CCDC69: variants seen among roughly 807,000 people sequenced by gnomAD.
The protein encoded by CCDC69 is coiled-coil domain containing 69.
In CCDC69, 38 loss-of-function variants were observed where a neutral mutation model predicts 40.3. The observed-to-expected ratio is 0.94, with a 90% confidence interval of 0.73 to 1.24. CCDC69 has a LOEUF of 1.24. CCDC69 is among the 50% of genes most tolerant of loss of function. The pLI, the probability that CCDC69 is intolerant of heterozygous loss-of-function variation, is 0.00. For missense variants in CCDC69, 389 were observed against 357.9 expected, an observed-to-expected ratio of 1.09 and a Z score of -0.70; for synonymous variants, 141 against 138.9, an observed-to-expected ratio of 1.02 and a Z score of -0.11.
Position 151,183,558 on chromosome 5 carries a change from AG to A in CCDC69, c.769del (p.Leu257CysfsTer151), listed in dbSNP as rs767856018. 1.4e-4 allele frequency: 228 copies of A among 1,612,018 alleles called. No individual in the cohort carries two copies. The highest frequency in any genetic ancestry group is 1.8e-4 in the Non-Finnish European group (209 of 1,179,488). On this transcript the variant is annotated frameshift_variant, in exon 9 of 9. Coordinates refer to ENST00000355417, the MANE Select transcript of CCDC69 (RefSeq NM_015621.3). LOFTEE classifies it high-confidence loss of function. ...TREALEKEVQ[L>X]RRQLQQEKEE... ...CTTCTCCTGCTGGAGCTGTCGCCGC[AG>A]CTGCACCTCCTTCTCCAGGGCCTCA...
chr5:151,216,564 G>A (rs555138860), intron 1 of CCDC69, among the ~76,000 whole-genome samples: 4 of 151,706 alleles, frequency 2.6e-5, no homozygotes, highest in East Asian at 3.9e-4. Context: ...TTACAGGCAC[G>A]TGCCACACGC....
intron 8 of CCDC69, 56 bp from the exon 9 acceptor site, chr5:151,183,670 C>G (rs1330234684): frequency 6.7e-7 from 1 of 1,487,422 alleles, no homozygotes; most frequent in South Asian, 1.3e-5. Context: ...CCACAGAGAC[C>G]AACCCATTCC....
At position 151,196,140 on chromosome 5, in the gene CCDC69, C is replaced by A. The variant is rs78700763; in HGVS notation, c.319+2857G>T. ...ACTTTTACGTACAAAATAATCACAA[C>A]CATGTGTTTTGTTGTTTTGTTTTGT... On this transcript the variant is annotated intron_variant, in intron 4 of 8. Transcript: ENST00000355417. Among the ~76,000 whole-genome samples, 1,255 of 152,150 alleles carry A rather than the reference C, an allele frequency of 8.2e-3. 16 individuals are homozygous for A. The highest frequency in any genetic ancestry group is 0.027 in the African/African-American group (1,130 of 41,526).
chr5:151,214,197 G>A (rs1752999024), intron 1 of CCDC69, among the ~76,000 whole-genome samples: 1 of 152,154 alleles, frequency 6.6e-6, no homozygotes, highest in African/African-American at 2.4e-5. Flanking sequence ...AAGTCTCAAG[G>A]GGCTCAGGTC....
At chr5:151,186,201 G>C in intron 5 of CCDC69, 77 bp from the exon 6 acceptor site, 1 of 1,000,690 alleles carries the variant, frequency 1.0e-6, no homozygotes, top group Non-Finnish European at 1.6e-6. Context: ...ACATCCCAGA[G>C]GGAGAACGGT....
At position 151,224,038 on chromosome 5, in the gene CCDC69, C is replaced by T; in HGVS notation, c.-68G>A. 3.6e-6 allele frequency: 5 copies of T among 1,375,256 alleles called. No individual in the cohort carries two copies. Among genetic ancestry groups the T allele is most frequent in the Non-Finnish European group, 4.9e-6 (5 of 1,024,704 alleles). 85.2% of individuals were successfully genotyped at this position (1,375,256 alleles called of 1,614,324 possible). Reference sequence around the variant, plus strand: ...CCCCCAGAGGAGCCTGCGATCCGGGCCCCGCTGCCCGCTCCGCGCCCGCCG... The same window carrying T: ...CCCCCAGAGGAGCCTGCGATCCGGGTCCCGCTGCCCGCTCCGCGCCCGCCG... On this transcript the variant is annotated 5_prime_UTR_variant, in exon 1 of 9. Coordinates refer to ENST00000355417, the MANE Select transcript of CCDC69 (RefSeq NM_015621.3).
chr5:151,213,492 T>C (rs149201886), intron 1 of CCDC69, among the ~76,000 whole-genome samples: 2,036 of 152,020 alleles, frequency 0.013, 36 homozygotes, highest in African/African-American at 0.047. Context: ...GACCTAGTGA[T>C]CCACCCGCCT....
At chr5:151,216,113 C>T (rs1753034695) in intron 1 of CCDC69, among the ~76,000 whole-genome samples, 1 of 152,042 alleles carries the variant, frequency 6.6e-6, no homozygotes, top group African/African-American at 2.4e-5. Flanking sequence ...CATGTGCCAC[C>T]ATGCCCAGCT....
At chr5:151,188,865 G>A (rs1752564801) in intron 4 of CCDC69, among the ~76,000 whole-genome samples, 1 of 152,166 alleles carries the variant, frequency 6.6e-6, no homozygotes, top group Admixed American at 6.5e-5. Flanking sequence ...TGGACAGAAT[G>A]AATTCTGCAG....
At chr5:151,196,437 G>C (rs1752701039) in intron 4 of CCDC69, among the ~76,000 whole-genome samples, 1 of 152,160 alleles carries the variant, frequency 6.6e-6, no homozygotes, top group African/African-American at 2.4e-5. Flanking sequence ...TATTACAGGT[G>C]TGAGCCACTG....
At chr5:151,184,318 A>G (rs1243556333) in intron 8 of CCDC69, 26 bp downstream of exon 8, 1 of 1,564,530 alleles carries the variant, frequency 6.4e-7, no homozygotes, top group African/African-American at 1.4e-5. Flanking sequence ...TGGGGATGGG[A>G]GTAAAGGAGG....
At chr5:151,205,682 CCT>C (rs1208134053) in intron 1 of CCDC69, among the ~76,000 whole-genome samples, 1 of 152,182 alleles carries the variant, frequency 6.6e-6, no homozygotes, top group Non-Finnish European at 1.5e-5. Context: ...ACTTCTCATC[CCT>C]GTCAGGGAAA....
chr5:151,224,041 C>T lies in CCDC69; in HGVS notation c.-71G>A, dbSNP rs911331693. ...CCAGAGGAGCCTGCGATCCGGGCCC[C>T]GCTGCCCGCTCCGCGCCCGCCGGCT... On this transcript the variant is annotated 5_prime_UTR_variant, in exon 1 of 9. Transcript: ENST00000355417. 8 of 1,365,912 alleles carry T rather than the reference C, an allele frequency of 5.9e-6. No homozygotes were observed. Among genetic ancestry groups the T allele is most frequent in the Middle Eastern group, 2.4e-4 (1 of 4,238 alleles). The allele number at this position is 1,365,912 out of a possible 1,614,324, so 84.6% of individuals were successfully genotyped here.
chr5:151,223,839 C>T lies in CCDC69; in HGVS notation c.48+84G>A. 5 of 1,387,920 alleles carry T rather than the reference C, an allele frequency of 3.6e-6. No homozygotes were observed. The African/African-American group carries it at 4.5e-5, about 12-fold the overall frequency. The allele number at this position is 1,387,920 out of a possible 1,614,324, so 86.0% of individuals were successfully genotyped here. On this transcript the variant is annotated intron_variant, in intron 1 of 8. Coordinates refer to ENST00000355417, the MANE Select transcript of CCDC69 (RefSeq NM_015621.3). The stretch of plus-strand genomic sequence containing the variant: ...GGTATCCCGGGCCGACCAGAGAGAG[C>T]CCGGGGCGCCGAGTCCTCTGCGGCG...
rs776505579 is a variant in CCDC69, at chr5:151,194,169, TAC to T, written c.319+4826_319+4827del. On this transcript the variant is annotated intron_variant, in intron 4 of 8. Transcript: ENST00000355417. The stretch of plus-strand genomic sequence containing the variant: ...TAGCTGTTTCTCATAAAGCTAAACA[TAC>T]ATTTATCATATGACCTATCCCACTC... 1.8e-4 allele frequency among the ~76,000 whole-genome samples: 28 copies of T among 152,352 alleles called. No individual in the cohort carries two copies. In the South Asian group the frequency reaches 5.2e-3, roughly 28 times the overall value.
chr5:151,206,139 T>C (rs1350564323), intron 1 of CCDC69, among the ~76,000 whole-genome samples: 1 of 152,174 alleles, frequency 6.6e-6, no homozygotes, highest in Non-Finnish European at 1.5e-5. Context: ...TTTGATTAAT[T>C]TGCTGGAGTG....
chr5:151,212,679 T>G (rs976764772), intron 1 of CCDC69: 7 of 416,310 alleles, frequency 1.7e-5, no homozygotes, highest in Admixed American at 1.1e-4. Flanking sequence ...AACCAAATTA[T>G]AGGAGGGGCT....
chr5:151,222,480 C>T (rs529649700), intron 1 of CCDC69, among the ~76,000 whole-genome samples: 1 of 152,342 alleles, frequency 6.6e-6, no homozygotes, highest in Admixed American at 6.5e-5. Flanking sequence ...AAGGTTGACA[C>T]AGGTGCAGAG....
intron 7 of CCDC69, 34 bp from the exon 8 acceptor site, chr5:151,184,475 A>C (rs1766691688): frequency 7.1e-7 from 1 of 1,412,072 alleles, no homozygotes; most frequent in African/African-American, 1.4e-5. Flanking sequence ...GAAAGCTGCC[A>C]AACTCACGCT....
Sources: gnomAD v4.1 joint callset for allele counts (sites outside exome capture counted in the v4.1 genomes callset) on GRCh38, gnomAD v4.1.1 for gene constraint, MANE v1.5 for transcripts, NCBI Gene and HGNC (gene_info 2026-07-23, HGNC 2026-07-21) for gene names.